Variants in MDGA2 observed in about 807,000 individuals in gnomAD.
The protein encoded by MDGA2 is MAM domain containing glycosylphosphatidylinositol anchor 2.
A neutral mutation model predicts 117.8 loss-of-function variants in MDGA2; 40 were observed. The observed-to-expected ratio is 0.34, with a 90% CI of 0.26 to 0.44. The LOEUF (loss-of-function observed/expected upper bound fraction) is 0.44, where lower values mean the gene tolerates loss of function less well. MDGA2 is among the 20% of genes least tolerant of loss of function. The pLI, the probability that MDGA2 is intolerant of heterozygous loss-of-function variation, is 1.00. For synonymous variants in MDGA2, 452 were observed against 439.0 expected, an observed-to-expected ratio of 1.03 and a Z score of -0.37; for missense variants, 1,123 against 1,250.6, an observed-to-expected ratio of 0.90 and a Z score of 1.54.
In MDGA2 at chr14:46,964,946, CAG is replaced by C. The variant is rs1437011521; in HGVS notation, c.1820-7305_1820-7304del. Reference sequence around the variant, plus strand: ...TTTTTTTTTTTTTTTTTTTTTGAGACAGAGTCTCGCTCTGTCGTCCAGGCTGG... The same window carrying C: ...TTTTTTTTTTTTTTTTTTTTTGAGACAGTCTCGCTCTGTCGTCCAGGCTGG... On this transcript the variant is annotated intron_variant, in intron 8 of 16. Transcript: ENST00000399232. Among the ~76,000 whole-genome samples the C allele has an allele frequency of 1.6e-4, 9 of 56,016 alleles. 1 individual carries two copies. In the East Asian group the frequency reaches 3.0e-3, roughly 18 times the overall value. 36.7% of individuals were successfully genotyped at this position (56,016 alleles called of 152,430 possible).
intron 1 of MDGA2, among the ~76,000 whole-genome samples, chr14:47,572,070 A>T (rs1010428004): frequency 9.9e-5 from 15 of 152,190 alleles, no homozygotes; most frequent in African/African-American, 3.6e-4. Context: ...TCCACATAGC[A>T]TGTCTTCCAT....
chr14:47,246,983 G>A (rs1173141845), intron 2 of MDGA2, among the ~76,000 whole-genome samples: 3 of 151,768 alleles, frequency 2.0e-5, no homozygotes, highest in Non-Finnish European at 4.4e-5. Context: ...GCTATATTGT[G>A]CGATCCTCAG....
chr14:47,045,029 T>A (rs1312391734), intron 7 of MDGA2, among the ~76,000 whole-genome samples: 1 of 152,208 alleles, frequency 6.6e-6, no homozygotes, highest in Admixed American at 6.5e-5. Context: ...CTGTTCCAAC[T>A]TCCCTCACCC....
intron 1 of MDGA2, among the ~76,000 whole-genome samples, chr14:47,558,831 A>G (rs1895738234): frequency 6.6e-6 from 1 of 152,200 alleles, no homozygotes; most frequent in Non-Finnish European, 1.5e-5. Context: ...TTAACAATAG[A>G]GCTTCTCACA....
Position 46,871,790 on chromosome 14 carries a change from GA to G in MDGA2, c.2752+1642del, listed in dbSNP as rs975686425. The G allele has an allele frequency of 1.0e-3, 216 of 214,000 alleles. 1 individual carries two copies. The highest frequency in any genetic ancestry group is 4.4e-3 in the African/African-American group (197 of 44,284). The allele number at this position is 214,000 out of a possible 1,614,324, so 13.3% of individuals were successfully genotyped here. Reference sequence around the variant, plus strand: ...GATTTCTCTGAAGTATTACAGTGATGAAGTGCTACAGCCAAGTTCCTGCCCA... The same window carrying G: ...GATTTCTCTGAAGTATTACAGTGATGAGTGCTACAGCCAAGTTCCTGCCCA... On this transcript the variant is annotated intron_variant, in intron 14 of 16. Coordinates refer to ENST00000399232, the MANE Select transcript of MDGA2 (RefSeq NM_001113498.3).
At chr14:47,001,382 A>C (rs929771520) in intron 8 of MDGA2, among the ~76,000 whole-genome samples, 1 of 152,088 alleles carries the variant, frequency 6.6e-6, no homozygotes, top group Admixed American at 6.6e-5. Flanking sequence ...GCAACAAAAC[A>C]GGATGAAAAG....
chr14:46,960,079 G>A (rs7153385), intron 8 of MDGA2, among the ~76,000 whole-genome samples: 36,232 of 151,782 alleles, frequency 0.24, 4,632 homozygotes, highest in African/African-American at 0.33. Flanking sequence ...AAAATTAGCC[G>A]GGCATGTGGC....
intron 1 of MDGA2, among the ~76,000 whole-genome samples, chr14:47,375,037 T>TAAGATAATTTCTAA (rs1891445830): frequency 6.6e-6 from 1 of 152,030 alleles, no homozygotes; most frequent in African/African-American, 2.4e-5. Context: ...TGGCTTAATT[T>TAAGATAATTTCTAA]ATTTCTAAGC....
At chr14:47,220,780 G>A (rs956384909) in intron 2 of MDGA2, among the ~76,000 whole-genome samples, 1 of 152,034 alleles carries the variant, frequency 6.6e-6, no homozygotes, top group African/African-American at 2.4e-5. Context: ...TCTCCAACAC[G>A]GAAAGCTCAA....
intron 1 of MDGA2, among the ~76,000 whole-genome samples, chr14:47,442,647 G>A (rs986784865): frequency 1.3e-5 from 2 of 152,086 alleles, no homozygotes; most frequent in Non-Finnish European, 2.9e-5. Flanking sequence ...GTGAGGCACA[G>A]CAAACGGAAT....
chr14:47,347,491 T>C (rs781438699), intron 1 of MDGA2, among the ~76,000 whole-genome samples: 5 of 152,146 alleles, frequency 3.3e-5, no homozygotes, highest in African/African-American at 4.8e-5. Context: ...TGGTAACTAG[T>C]CTAATAGACA....
chr14:47,400,780 G>A (rs868475285), intron 1 of MDGA2, among the ~76,000 whole-genome samples: 4 of 68,000 alleles, frequency 5.9e-5, no homozygotes, highest in African/African-American at 2.5e-4. Flanking sequence ...TTTTTGAGAC[G>A]GAGTCTTGCT....
intron 1 of MDGA2, among the ~76,000 whole-genome samples, chr14:47,462,330 C>T (rs952937374): frequency 7.0e-6 from 1 of 142,632 alleles, no homozygotes; most frequent in African/African-American, 2.6e-5. Context: ...GAGCCCAGAT[C>T]GTGCCACTGC....
At chr14:47,290,919 G>A (rs1888864553) in intron 2 of MDGA2, among the ~76,000 whole-genome samples, 1 of 152,100 alleles carries the variant, frequency 6.6e-6, no homozygotes, top group Non-Finnish European at 1.5e-5. Flanking sequence ...CTGACCAAGG[G>A]ACAACAAAGG....
chr14:47,551,133 C>A (rs1204853895), intron 1 of MDGA2, among the ~76,000 whole-genome samples: 1 of 152,050 alleles, frequency 6.6e-6, no homozygotes, highest in Non-Finnish European at 1.5e-5. Flanking sequence ...AGTTAAAATA[C>A]AAATCAACTT....
At chr14:47,650,060 T>C (rs1897610162) in intron 1 of MDGA2, among the ~76,000 whole-genome samples, 2 of 152,120 alleles carry the variant, frequency 1.3e-5, no homozygotes, top group African/African-American at 2.4e-5. Flanking sequence ...GTCTCTCTAA[T>C]GTGGGTGGGC....
At chr14:47,544,975 T>C (rs1297691296) in intron 1 of MDGA2, among the ~76,000 whole-genome samples, 1 of 152,230 alleles carries the variant, frequency 6.6e-6, no homozygotes, top group African/African-American at 2.4e-5. Context: ...GGTAAGTGAG[T>C]ATAAAATTAT....
At chr14:47,581,468 C>T (rs548505055) in intron 1 of MDGA2, among the ~76,000 whole-genome samples, 3 of 152,050 alleles carry the variant, frequency 2.0e-5, no homozygotes, top group African/African-American at 7.2e-5. Context: ...CTGGGGGATA[C>T]ACTTTAGAAT....
At chr14:47,673,775 A>C (rs1380082003) in intron 1 of MDGA2, among the ~76,000 whole-genome samples, 1 of 151,780 alleles carries the variant, frequency 6.6e-6, no homozygotes, top group Admixed American at 6.6e-5. Flanking sequence ...GCCCTTCTCT[A>C]GTTCCTAAAC....
Sources: gnomAD v4.1 joint callset for allele counts (sites outside exome capture counted in the v4.1 genomes callset) on GRCh38, gnomAD v4.1.1 for gene constraint, MANE v1.5 for transcripts, NCBI Gene and HGNC (gene_info 2026-07-23, HGNC 2026-07-21) for gene names.